The following NCAM2 variants were observed in gnomAD, a reference collection of about 807,000 sequenced individuals.
NCAM2 encodes neural cell adhesion molecule 2.
Under a neutral mutation model 98.1 loss-of-function variants are expected in NCAM2, and 30 were observed. The observed-to-expected ratio is 0.31, with a 90% CI of 0.23 to 0.41. The LOEUF is 0.41. Ranked by LOEUF, NCAM2 falls within the 10% of genes least tolerant of loss-of-function variation. The pLI is 1.00. For synonymous variants in NCAM2, 368 were observed against 342.4 expected (o/e 1.07, Z -0.83); for missense variants, 867 against 1,005.8 (o/e 0.86, Z 1.87).
chr21:21,514,374 G>A (rs1259110326), intron 16 of NCAM2, among the ~76,000 whole-genome samples: 1 of 150,694 alleles, frequency 6.6e-6, no homozygotes, highest in African/African-American at 2.4e-5. Flanking sequence ...TACTCGGGAG[G>A]CTGAGGCAGG....
chr21:21,484,389 T>G (rs1378808536), intron 15 of NCAM2, among the ~76,000 whole-genome samples: 4 of 152,174 alleles, frequency 2.6e-5, no homozygotes, highest in African/African-American at 9.6e-5. Context: ...CGTTTGTAAC[T>G]CTACCCTTTA....
At chr21:21,371,127 G>T (rs2075905316) in intron 8 of NCAM2, among the ~76,000 whole-genome samples, 1 of 151,736 alleles carries the variant, frequency 6.6e-6, no homozygotes, top group South Asian at 2.1e-4. Flanking sequence ...AAATCCAGAG[G>T]AAAGAACATT....
intron 1 of NCAM2, among the ~76,000 whole-genome samples, chr21:21,128,627 T>C (rs1409475302): frequency 1.3e-5 from 2 of 152,170 alleles, no homozygotes; most frequent in Non-Finnish European, 2.9e-5. Flanking sequence ...ATTGATCTTC[T>C]GTGTAAGTCA....
chr21:21,307,289 A>G (rs2147688939), intron 5 of NCAM2, among the ~76,000 whole-genome samples: 1 of 152,178 alleles, frequency 6.6e-6, no homozygotes, highest in Non-Finnish European at 1.5e-5. Flanking sequence ...TTATTTTAGT[A>G]CGTGGTTTTC....
Position 21,508,847 on chromosome 21 carries a change from T to TTTTAAAA in NCAM2, c.2078-4_2078-3insTTTAAAA. On this transcript the variant is annotated splice_polypyrimidine_tract_variant and splice_region_variant and intron_variant, in intron 15 of 17. Coordinates refer to ENST00000400546, the MANE Select transcript of NCAM2 (RefSeq NM_004540.5). ...TTTTTTTTTTTTTTTTTTTACTTTT[T>TTTTAAAA]AAGACACGCTGTTTAATGGTCTTGG... 1 of 987,250 alleles carries TTTTAAAA rather than the reference T, an allele frequency of 1.0e-6. No homozygotes were observed. Among genetic ancestry groups the TTTTAAAA allele is most frequent in the Non-Finnish European group, 1.5e-6 (1 of 683,430 alleles). 61.2% of individuals were successfully genotyped at this position (987,250 alleles called of 1,614,324 possible).
rs766551961 is a variant in NCAM2, at chr21:21,286,263, A to T, written c.338-6A>T. The T allele has an allele frequency of 6.3e-7, 1 of 1,585,394 alleles. No homozygotes were observed. On this transcript the variant is annotated splice_polypyrimidine_tract_variant and splice_region_variant and intron_variant, in intron 3 of 17. Transcript: ENST00000400546. ...ATTTGTGATTTGTTTTACTTTGTTG[A>T]TACAGAAAAACTCACTTTCAGAGAA...
intron 5 of NCAM2, among the ~76,000 whole-genome samples, chr21:21,303,748 G>A (rs774496853): frequency 3.9e-5 from 6 of 152,004 alleles, no homozygotes; most frequent in Non-Finnish European, 7.4e-5. Flanking sequence ...CGGGTATTTC[G>A]GGTATTTCAC....
intron 9 of NCAM2, among the ~76,000 whole-genome samples, chr21:21,405,019 CA>C (rs1484521264): frequency 6.6e-6 from 1 of 151,546 alleles, no homozygotes; most frequent in African/African-American, 2.4e-5. Flanking sequence ...TATGGCTTTC[CA>C]AAAGTTTGTA....
At chr21:21,290,556 CTCTCT>C (rs1365602735) in intron 4 of NCAM2, among the ~76,000 whole-genome samples, 2 of 151,926 alleles carry the variant, frequency 1.3e-5, no homozygotes, top group East Asian at 3.9e-4. Flanking sequence ...ACATTTTTGT[CTCTCT>C]TCTTAGGTTC....
At chr21:21,428,926 A>T (rs1415046252) in intron 11 of NCAM2, among the ~76,000 whole-genome samples, 1 of 152,194 alleles carries the variant, frequency 6.6e-6, no homozygotes, top group Non-Finnish European at 1.5e-5. Flanking sequence ...TGTTACATGT[A>T]TCTATCTGTA....
rs755132880 is a variant in NCAM2 at position 21,324,425 on chromosome 21, C to T, written c.662C>T (p.Thr221Ile). The change falls in exon 6 of 18, where the codon ACA (threonine) becomes ATA (isoleucine). Residue 221 changes from threonine (T) to isoleucine (I), a missense_variant. Coordinates refer to ENST00000400546, the MANE Select transcript of NCAM2 (RefSeq NM_004540.5). The part of the protein sequence containing the change: ...ISMPQKSFNA[T>I]AERGEEMTFS... ...ATGCCTCAGAAATCTTTTAATGCCACAGCAGAGAGAGGAGAAGAAATGACA... is the reference window on the plus strand; with the variant it reads ...ATGCCTCAGAAATCTTTTAATGCCATAGCAGAGAGAGGAGAAGAAATGACA... 6.2e-7 allele frequency: 1 copy of T among 1,613,800 alleles called. No individual in the cohort carries two copies. The highest frequency in any genetic ancestry group is 1.1e-5 in the South Asian group (1 of 91,066).
chr21:21,209,562 C>G (rs2069567498), intron 1 of NCAM2, among the ~76,000 whole-genome samples: 2 of 151,814 alleles, frequency 1.3e-5, no homozygotes, highest in Admixed American at 6.6e-5. Context: ...TCACATGAGG[C>G]AGGATGGGAA....
At chr21:21,246,112 C>CTG (rs1212398176) in intron 1 of NCAM2, among the ~76,000 whole-genome samples, 3 of 152,138 alleles carry the variant, frequency 2.0e-5, no homozygotes, top group Non-Finnish European at 4.4e-5. Context: ...TCCTCCCTTG[C>CTG]TGTCTCTTGG....
At chr21:21,420,486 A>C (rs909521967) in intron 11 of NCAM2, among the ~76,000 whole-genome samples, 1 of 152,056 alleles carries the variant, frequency 6.6e-6, no homozygotes, top group Non-Finnish European at 1.5e-5. Context: ...AATTATTGTA[A>C]TATTATATTT....
intron 9 of NCAM2, among the ~76,000 whole-genome samples, chr21:21,399,943 C>T (rs544573253): frequency 2.8e-4 from 42 of 152,242 alleles, no homozygotes; most frequent in Non-Finnish European, 5.4e-4. Context: ...GTCAAGAAAT[C>T]TCATACTGCA....
chr21:21,053,783 A>T (rs2065159725), intron 1 of NCAM2, among the ~76,000 whole-genome samples: 1 of 151,184 alleles, frequency 6.6e-6, no homozygotes, highest in Admixed American at 6.6e-5. Context: ...TTCCCCTCCT[A>T]AATTTTTCTT....
chr21:21,296,784 C>A (rs1368686900), intron 5 of NCAM2, among the ~76,000 whole-genome samples: 1 of 151,690 alleles, frequency 6.6e-6, no homozygotes. Flanking sequence ...ATACCTGTGT[C>A]ACAGAGGCAA....
At chr21:21,061,493 C>T (rs1438524389) in intron 1 of NCAM2, among the ~76,000 whole-genome samples, 3 of 152,048 alleles carry the variant, frequency 2.0e-5, no homozygotes, top group Non-Finnish European at 4.4e-5. Flanking sequence ...GTTGATAGAA[C>T]TTACCACATA....
chr21:21,026,779 A>G (rs569172552), intron 1 of NCAM2, among the ~76,000 whole-genome samples: 2 of 151,174 alleles, frequency 1.3e-5, no homozygotes, highest in Middle Eastern at 3.4e-3. Context: ...GAAAATATCT[A>G]TATTTTTATT....
Sources: allele counts gnomAD v4.1 joint callset (sites outside exome capture counted in the v4.1 genomes callset), GRCh38; gene constraint gnomAD v4.1.1; transcripts MANE v1.5; gene names NCBI Gene and HGNC (gene_info 2026-07-23, HGNC 2026-07-21).